WDPCP: variants seen among roughly 807,000 people sequenced by gnomAD.
WDPCP encodes WD repeat-containing and planar cell polarity effector protein fritz homolog.
WDPCP carries 71 observed loss-of-function variants against 93.1 expected under a neutral mutation model. The observed-to-expected ratio is 0.76, with a 90% CI of 0.63 to 0.93. The LOEUF is 0.93. Ranked by LOEUF, WDPCP falls within the 40% of genes least tolerant of loss-of-function variation. The pLI is 0.00. For missense variants in WDPCP, 844 were observed against 887.4 expected (o/e 0.95, Z 0.62); for synonymous variants, 315 against 315.0 (o/e 1.00, Z 0.00).
chr2:63,622,521 C>A (rs538146832), intron 3 of WDPCP: 1 of 1,613,826 alleles, frequency 6.2e-7, no homozygotes, highest in Non-Finnish European at 8.5e-7. Flanking sequence ...CACCATCAGC[C>A]GGGCGTGGTT....
At chr2:63,671,862 C>T (rs1235129499) in intron 2 of WDPCP, among the ~76,000 whole-genome samples, 1 of 152,178 alleles carries the variant, frequency 6.6e-6, no homozygotes, top group South Asian at 2.1e-4. Context: ...TACTAACAGA[C>T]CCTTACCATG....
At chr2:63,646,333 TG>T in intron 3 of WDPCP, among the ~76,000 whole-genome samples, 1 of 152,310 alleles carries the variant, frequency 6.6e-6, no homozygotes, top group Middle Eastern at 3.4e-3. Flanking sequence ...AACTTTTTGT[TG>T]TTTCCATTTG....
At chr2:63,804,038 A>G (rs951169956) in intron 2 of WDPCP, among the ~76,000 whole-genome samples, 2 of 152,086 alleles carry the variant, frequency 1.3e-5, no homozygotes, top group Non-Finnish European at 2.9e-5. Flanking sequence ...CTAGGGGGGA[A>G]TTTTCATTTA....
At chr2:63,379,460 G>A (rs1194793154) in intron 11 of WDPCP, among the ~76,000 whole-genome samples, 1 of 152,048 alleles carries the variant, frequency 6.6e-6, no homozygotes, top group African/African-American at 2.4e-5. Context: ...CTCAAATCTA[G>A]ACAGTAAAGT....
At chr2:63,200,215 A>G (rs1346545457) in intron 14 of WDPCP, among the ~76,000 whole-genome samples, 1 of 152,166 alleles carries the variant, frequency 6.6e-6, no homozygotes, top group Non-Finnish European at 1.5e-5. Context: ...AAGATGAGAA[A>G]AGGGAAAACT....
At position 63,256,957 on chromosome 2, in the gene WDPCP, C is replaced by T. The variant is rs1425353481; in HGVS notation, c.1915+2350G>A. 3.3e-5 allele frequency among the ~76,000 whole-genome samples: 5 copies of T among 152,068 alleles called. No homozygotes were observed. In the South Asian group the frequency reaches 6.2e-4, roughly 19 times the overall value. On this transcript the variant is annotated intron_variant, in intron 14 of 17. Transcript: ENST00000272321. ...TGGGTATAGGAAGGCTTCTGGGGTCCTGGTAACATATGTTACTTGGTCAGG... is the reference window on the plus strand; with the variant it reads ...TGGGTATAGGAAGGCTTCTGGGGTCTTGGTAACATATGTTACTTGGTCAGG...
At position 63,791,453 on chromosome 2, in the gene WDPCP, T is replaced by C. The variant is rs538017839; in HGVS notation, n.308+22169A>G. ...ATTGTTAGCTCTGGATCTTGTCTCC[T>C]AAAAGACTGAATCCTGCTTTTTATA... On this transcript the variant is annotated intron_variant and non_coding_transcript_variant, in intron 2 of 4. Coordinates refer to the WDPCP transcript ENST00000467687. Among the ~76,000 whole-genome samples, 119 of 152,272 alleles carry C rather than the reference T, an allele frequency of 7.8e-4. 2 individuals carry two copies. Among genetic ancestry groups the C allele is most frequent in the Non-Finnish European group, 7.2e-4 (49 of 68,006 alleles).
rs1187954315 is a variant in WDPCP at position 63,395,398 on chromosome 2, T to C, written c.1435+8650A>G. ...CACCCCTCTCCCACTCTCTCACCTT[T>C]TGGAGTCTCCAGTGTCTATTACGCC... is the stretch of plus-strand genomic sequence containing the variant. On this transcript the variant is annotated intron_variant, in intron 10 of 17. Coordinates refer to ENST00000272321, the MANE Select transcript of WDPCP (RefSeq NM_015910.7). 3.9e-5 allele frequency among the ~76,000 whole-genome samples: 6 copies of C among 152,106 alleles called. No homozygotes were observed. In the East Asian group the frequency reaches 9.6e-4, roughly 24 times the overall value.
At chr2:63,634,522 C>A (rs1181407120) in intron 3 of WDPCP, among the ~76,000 whole-genome samples, 3 of 152,102 alleles carry the variant, frequency 2.0e-5, no homozygotes, top group Non-Finnish European at 4.4e-5. Flanking sequence ...TCAAATGTAC[C>A]TAACAGACAT....
chr2:63,188,128 A>G (rs1674776108), intron 14 of WDPCP, among the ~76,000 whole-genome samples: 1 of 151,896 alleles, frequency 6.6e-6, no homozygotes, highest in South Asian at 2.1e-4. Context: ...TCTTCCTTTG[A>G]CTCATAACAG....
At chr2:63,649,267 A>C (rs1197259918) in intron 3 of WDPCP, among the ~76,000 whole-genome samples, 1 of 152,098 alleles carries the variant, frequency 6.6e-6, no homozygotes, top group Non-Finnish European at 1.5e-5. Context: ...TGGACATTTC[A>C]TTTCATGGAC....
intron 2 of WDPCP, among the ~76,000 whole-genome samples, chr2:63,713,789 CTCA>C (rs1669294325): frequency 6.6e-6 from 1 of 152,140 alleles, no homozygotes; most frequent in South Asian, 2.1e-4. Flanking sequence ...TAAACCAATT[CTCA>C]TCGTTAGGTT....
intron 14 of WDPCP, among the ~76,000 whole-genome samples, chr2:63,179,152 A>G (rs2104062239): frequency 6.7e-6 from 1 of 149,516 alleles, no homozygotes; most frequent in Non-Finnish European, 1.5e-5. Context: ...GTGAGCTGAG[A>G]CTGCACCACT....
intron 14 of WDPCP, among the ~76,000 whole-genome samples, chr2:63,206,961 A>G (rs1256039173): frequency 6.6e-6 from 1 of 152,140 alleles, no homozygotes; most frequent in Non-Finnish European, 1.5e-5. Context: ...TGCAAAACTG[A>G]AACCCATTAA....
intron 3 of WDPCP, among the ~76,000 whole-genome samples, chr2:63,647,358 A>C (rs262481): frequency 0.79 from 120,463 of 151,980 alleles, 48,195 homozygotes; most frequent in East Asian, 0.98. Context: ...TTGGTCTTGA[A>C]CTCCTGACCT....
chr2:63,169,263 G>T (rs1014805475), intron 15 of WDPCP, among the ~76,000 whole-genome samples: 6 of 152,180 alleles, frequency 3.9e-5, no homozygotes, highest in African/African-American at 1.4e-4. Context: ...CATGGGTACA[G>T]AATTTCCTAT....
intron 9 of WDPCP, among the ~76,000 whole-genome samples, chr2:63,427,301 C>A (rs527473372): frequency 1.3e-5 from 2 of 152,248 alleles, no homozygotes; most frequent in African/African-American, 4.8e-5. Flanking sequence ...CTCATCTGCA[C>A]AAGGGACACA....
chr2:63,823,311 G>T (rs542876291), intron 1 of WDPCP, among the ~76,000 whole-genome samples: 38 of 151,732 alleles, frequency 2.5e-4, no homozygotes, highest in Non-Finnish European at 4.6e-4. Flanking sequence ...TTCAAGACCA[G>T]CCTGGTCAAT....
At chr2:63,733,686 G>A (rs1407194313) in intron 2 of WDPCP, among the ~76,000 whole-genome samples, 1 of 152,160 alleles carries the variant, frequency 6.6e-6, no homozygotes, top group Non-Finnish European at 1.5e-5. Context: ...GTCAGTGCTG[G>A]CTGGAAGAAA....
Sources: allele counts gnomAD v4.1 joint callset (sites outside exome capture counted in the v4.1 genomes callset), GRCh38; gene constraint gnomAD v4.1.1; transcripts MANE v1.5; gene names NCBI Gene and HGNC (gene_info 2026-07-23, HGNC 2026-07-21).